Variants in PTPRR observed in about 807,000 individuals in gnomAD.
The protein encoded by PTPRR is receptor-type tyrosine-protein phosphatase R.
A neutral mutation model predicts 77.2 loss-of-function variants in PTPRR; 38 were observed. The ratio of observed to expected loss-of-function variants is 0.49; its 90% CI spans 0.38 to 0.65. The LOEUF is 0.65. Ranked by LOEUF, PTPRR falls within the 30% of genes least tolerant of loss-of-function variation. The pLI, the probability that PTPRR is intolerant of heterozygous loss-of-function variation, is 0.00. For missense variants in PTPRR, 744 were observed against 799.2 expected (o/e 0.93, Z 0.83); for synonymous variants, 299 against 283.1 (o/e 1.06, Z -0.57).
At chr12:70,817,830 C>T (rs750686924) in intron 2 of PTPRR, among the ~76,000 whole-genome samples, 13 of 152,166 alleles carry the variant, frequency 8.5e-5, no homozygotes, top group African/African-American at 3.1e-4. Context: ...GTTTATTTGA[C>T]CTAAACCATT....
intron 2 of PTPRR, among the ~76,000 whole-genome samples, chr12:70,854,237 G>A (rs1287430490): frequency 6.6e-6 from 1 of 152,164 alleles, no homozygotes; most frequent in Non-Finnish European, 1.5e-5. Context: ...ACTTCTGTGT[G>A]TCACTGAGCA....
chr12:70,731,141 G>A (rs567536354), intron 6 of PTPRR, among the ~76,000 whole-genome samples: 2 of 152,170 alleles, frequency 1.3e-5, no homozygotes, highest in East Asian at 1.9e-4. Flanking sequence ...AGGAAGGAAG[G>A]AGGAAGGAAA....
At chr12:70,865,233 C>T (rs143553420) in intron 2 of PTPRR, among the ~76,000 whole-genome samples, 18 of 152,298 alleles carry the variant, frequency 1.2e-4, no homozygotes, top group Admixed American at 8.5e-4. Context: ...TCCCCAGCTA[C>T]GTGGAACTGT....
chr12:70,699,408 T>C (rs1360733177), intron 7 of PTPRR, among the ~76,000 whole-genome samples: 1 of 152,152 alleles, frequency 6.6e-6, no homozygotes, highest in Non-Finnish European at 1.5e-5. Context: ...TACTATGAAT[T>C]TGAGGCTTGT....
At chr12:70,710,425 T>C (rs1273662092) in intron 6 of PTPRR, among the ~76,000 whole-genome samples, 1 of 152,114 alleles carries the variant, frequency 6.6e-6, no homozygotes, top group Non-Finnish European at 1.5e-5. Flanking sequence ...CGCTTAAATG[T>C]AAAAACCCAA....
chr12:70,695,750 A>G (rs2136766965), intron 8 of PTPRR, among the ~76,000 whole-genome samples: 1 of 152,230 alleles, frequency 6.6e-6, no homozygotes, highest in Admixed American at 6.5e-5. Flanking sequence ...AGAGAGAGAG[A>G]GAGGGAGAGA....
At chr12:70,765,219 C>A (rs535120699) in intron 2 of PTPRR, among the ~76,000 whole-genome samples, 1 of 152,096 alleles carries the variant, frequency 6.6e-6, no homozygotes, top group Non-Finnish European at 1.5e-5. Flanking sequence ...TTGCCTCACT[C>A]GGGAAGTGCA....
At chr12:70,755,511 C>G (rs1482325553) in intron 4 of PTPRR, among the ~76,000 whole-genome samples, 1 of 152,122 alleles carries the variant, frequency 6.6e-6, no homozygotes, top group South Asian at 2.1e-4. Flanking sequence ...ATAAGCAAGG[C>G]TGAACAGAAA....
At chr12:70,828,789 A>G (rs1413673291) in intron 2 of PTPRR, among the ~76,000 whole-genome samples, 1 of 152,240 alleles carries the variant, frequency 6.6e-6, no homozygotes, top group African/African-American at 2.4e-5. Context: ...TAAATTTCTC[A>G]GAATAAACCA....
chr12:70,742,485 A>C (rs758186082), intron 6 of PTPRR, among the ~76,000 whole-genome samples: 6 of 152,194 alleles, frequency 3.9e-5, no homozygotes, highest in African/African-American at 7.2e-5. Flanking sequence ...ATGTCCAAGT[A>C]GCAGGATGAG....
intron 2 of PTPRR, among the ~76,000 whole-genome samples, chr12:70,867,261 T>C (rs1305114498): frequency 3.3e-5 from 5 of 151,792 alleles, no homozygotes; most frequent in African/African-American, 7.3e-5. Flanking sequence ...TCCCTGTTTG[T>C]AGATGACATG....
At chr12:70,655,991 C>T (rs112867590) in intron 13 of PTPRR, among the ~76,000 whole-genome samples, 138 of 152,230 alleles carry the variant, frequency 9.1e-4, no homozygotes, top group African/African-American at 3.2e-3. Context: ...AAAGGAGGAT[C>T]CCTCGAGCCC....
chr12:70,811,754 A>G (rs1891811967), intron 2 of PTPRR, among the ~76,000 whole-genome samples: 1 of 152,172 alleles, frequency 6.6e-6, no homozygotes, highest in African/African-American at 2.4e-5. Flanking sequence ...CCACACTACC[A>G]ATGAGGAAGC....
chr12:70,859,623 T>C (rs1333058958), intron 2 of PTPRR, among the ~76,000 whole-genome samples: 1 of 151,892 alleles, frequency 6.6e-6, no homozygotes, highest in Admixed American at 6.6e-5. Context: ...TCTAGAGATG[T>C]TTATAGATTT....
intron 2 of PTPRR, among the ~76,000 whole-genome samples, chr12:70,776,592 C>G (rs1234526880): frequency 6.6e-6 from 1 of 152,158 alleles, no homozygotes; most frequent in East Asian, 1.9e-4. Flanking sequence ...ATGTCATACT[C>G]CAGGCATCCC....
chr12:70,754,169 A>G (rs1890493710), intron 5 of PTPRR, 22 bp downstream of exon 5: 1 of 1,608,118 alleles, frequency 6.2e-7, no homozygotes, highest in Non-Finnish European at 8.5e-7. Context: ...AAAGGATAAA[A>G]TATACAAAGA....
intron 2 of PTPRR, among the ~76,000 whole-genome samples, chr12:70,853,782 C>T (rs1892609543): frequency 1.3e-5 from 2 of 152,250 alleles, no homozygotes; most frequent in South Asian, 2.1e-4. Flanking sequence ...GCTCCGCCTC[C>T]CGCAAAATGA....
chr12:70,764,604 G>C, intron 3 of PTPRR, 61 bp downstream of exon 3: 7 of 1,351,148 alleles, frequency 5.2e-6, no homozygotes, highest in Non-Finnish European at 7.4e-6. Context: ...GAGCCCTTTA[G>C]TGATTAAAAA....
intron 6 of PTPRR, among the ~76,000 whole-genome samples, chr12:70,720,760 G>A (rs1425136194): frequency 6.6e-6 from 1 of 152,064 alleles, no homozygotes; most frequent in African/African-American, 2.4e-5. Context: ...GGACTTACAG[G>A]CGTGAGCCAC....
Sources: allele counts gnomAD v4.1 joint callset (sites outside exome capture counted in the v4.1 genomes callset), GRCh38; gene constraint gnomAD v4.1.1; transcripts MANE v1.5; gene names NCBI Gene and HGNC (gene_info 2026-07-23, HGNC 2026-07-21).